The following USP15 variants were observed in gnomAD, a reference collection of about 807,000 sequenced individuals.
The protein encoded by USP15 is ubiquitin specific peptidase 15, also known as ubiquitin carboxyl-terminal hydrolase 15.
A neutral mutation model predicts 127.1 loss-of-function variants in USP15; 18 were observed. That is an observed-to-expected ratio of 0.14 (90% CI 0.10 to 0.21). The LOEUF is 0.21. Among genes scored for constraint, USP15 ranks in the 10% least tolerant of loss-of-function variants. USP15 has a pLI of 1.00. For synonymous variants in USP15, 364 were observed against 393.7 expected, an observed-to-expected ratio of 0.92 and a Z score of 0.89; for missense variants, 805 against 1,159.9, an observed-to-expected ratio of 0.69 and a Z score of 4.44.
At chr12:62,387,680 G>A (rs930420739) in intron 11 of USP15, among the ~76,000 whole-genome samples, 4 of 152,028 alleles carry the variant, frequency 2.6e-5, no homozygotes, top group Admixed American at 6.6e-5. Context: ...GGGTTGAGAA[G>A]TAAATGGGAG....
intron 3 of USP15, among the ~76,000 whole-genome samples, chr12:62,311,516 T>TG (rs2064677878): frequency 6.6e-6 from 1 of 151,810 alleles, no homozygotes; most frequent in South Asian, 2.1e-4. Flanking sequence ...CATAAATGAA[T>TG]GGGGGTTGTT....
At chr12:62,312,284 A>G (rs1412025885) in intron 3 of USP15, 1 of 344,846 alleles carries the variant, frequency 2.9e-6, no homozygotes, top group Non-Finnish European at 6.0e-6. Flanking sequence ...TTCCCATTTC[A>G]GGGAGGGAGC....
At chr12:62,401,578 T>C (rs1238620112) in intron 21 of USP15, among the ~76,000 whole-genome samples, 2 of 151,884 alleles carry the variant, frequency 1.3e-5, no homozygotes, top group African/African-American at 4.8e-5. Context: ...GCTCTTAACT[T>C]TCTAGACATT....
At position 62,391,802 on chromosome 12, in the gene USP15, G is replaced by A; in HGVS notation, c.2234-14G>A. The stretch of plus-strand genomic sequence containing the variant: ...ATATTAAATTTTAAAGAAAAAATAT[G>A]TTTTCCACCTTAGAAAGATCTTTTC... On this transcript the variant is annotated splice_polypyrimidine_tract_variant and intron_variant, in intron 16 of 21. Transcript: ENST00000280377. 1 of 1,583,258 alleles carries A rather than the reference G, an allele frequency of 6.3e-7. No individual in the cohort carries two copies. Among genetic ancestry groups the A allele is most frequent in the East Asian group, 2.3e-5 (1 of 43,680 alleles).
At chr12:62,285,378 A>G (rs1156536511) in intron 1 of USP15, among the ~76,000 whole-genome samples, 1 of 152,180 alleles carries the variant, frequency 6.6e-6, no homozygotes, top group African/African-American at 2.4e-5. Flanking sequence ...TTCCCCTAAG[A>G]TAATGGCCTC....
chr12:62,283,037 G>A, intron 1 of USP15, among the ~76,000 whole-genome samples: 1 of 152,090 alleles, frequency 6.6e-6, no homozygotes, highest in South Asian at 2.1e-4. Flanking sequence ...GGGAAATTTT[G>A]CATTTCCATT....
intron 4 of USP15, among the ~76,000 whole-genome samples, chr12:62,318,908 T>G (rs1327119101): frequency 6.6e-6 from 1 of 152,218 alleles, no homozygotes; most frequent in African/African-American, 2.4e-5. Flanking sequence ...TCAGAATTTA[T>G]TCTCAGTCAG....
At chr12:62,340,381 A>C (rs1014520186) in intron 6 of USP15, among the ~76,000 whole-genome samples, 1 of 151,010 alleles carries the variant, frequency 6.6e-6, no homozygotes, top group African/African-American at 2.4e-5. Context: ...TCCTGTCTCT[A>C]TCTCCTTCAG....
At chr12:62,325,009 T>G (rs2065087195) in intron 5 of USP15, among the ~76,000 whole-genome samples, 1 of 152,048 alleles carries the variant, frequency 6.6e-6, no homozygotes, top group Non-Finnish European at 1.5e-5. Flanking sequence ...TCATATTGTC[T>G]GTATTACAGT....
chr12:62,316,265 C>T (rs2064827275), intron 4 of USP15, among the ~76,000 whole-genome samples: 1 of 133,722 alleles, frequency 7.5e-6, no homozygotes, highest in Non-Finnish European at 1.6e-5. Context: ...AGCCTGGCAA[C>T]AGAGTGAGAC....
At chr12:62,333,161 T>C (rs1385173931) in intron 6 of USP15, among the ~76,000 whole-genome samples, 1 of 152,244 alleles carries the variant, frequency 6.6e-6, no homozygotes, top group Non-Finnish European at 1.5e-5. Context: ...CCATTCTTTA[T>C]TCCTTGTCAT....
At chr12:62,302,722 G>A (rs2064353587) in intron 2 of USP15, 68 bp from the exon 3 acceptor site, 2 of 1,490,244 alleles carry the variant, frequency 1.3e-6, no homozygotes, top group Non-Finnish European at 1.8e-6. Context: ...GCCTTCATGA[G>A]TTTAATTTGT....
chr12:62,403,902 C>G (rs531587361), intron 21 of USP15, among the ~76,000 whole-genome samples: 1 of 152,066 alleles, frequency 6.6e-6, no homozygotes, highest in South Asian at 2.1e-4. Flanking sequence ...TCTATTTTTA[C>G]GTTAGAATTG....
intron 8 of USP15, among the ~76,000 whole-genome samples, chr12:62,378,667 A>G (rs907740187): frequency 3.3e-5 from 5 of 152,182 alleles, no homozygotes; most frequent in African/African-American, 1.2e-4. Context: ...TTTACAAAGC[A>G]GATAGTAGAT....
At chr12:62,335,684 A>T in intron 6 of USP15, 1 of 986,012 alleles carries the variant, frequency 1.0e-6, no homozygotes, top group Non-Finnish European at 1.2e-6. Context: ...AAAACCATAT[A>T]CTTCCTCCAT....
chr12:62,377,350 T>C (rs1278898171), intron 8 of USP15, among the ~76,000 whole-genome samples: 1 of 152,230 alleles, frequency 6.6e-6, no homozygotes, highest in Non-Finnish European at 1.5e-5. Context: ...TGTTCTAAGA[T>C]AGCCTCATGT....
At chr12:62,392,676 G>C (rs530162870) in intron 18 of USP15, among the ~76,000 whole-genome samples, 1 of 152,038 alleles carries the variant, frequency 6.6e-6, no homozygotes, top group African/African-American at 2.4e-5. Context: ...CATTTTGAGA[G>C]AAGCTTTTTA....
At chr12:62,388,991 G>A (rs1220715912) in intron 11 of USP15, among the ~76,000 whole-genome samples, 6 of 152,140 alleles carry the variant, frequency 3.9e-5, no homozygotes, top group African/African-American at 1.4e-4. Flanking sequence ...CAGTCATGGT[G>A]TCACACGCAT....
chr12:62,268,518 T>C (rs537797424), intron 1 of USP15, among the ~76,000 whole-genome samples: 1 of 152,290 alleles, frequency 6.6e-6, no homozygotes, highest in East Asian at 1.9e-4. Context: ...AATTAACATA[T>C]CTCTGTTTTG....
Sources: gnomAD v4.1 joint callset for allele counts (sites outside exome capture counted in the v4.1 genomes callset) on GRCh38, gnomAD v4.1.1 for gene constraint, MANE v1.5 for transcripts, NCBI Gene and HGNC (gene_info 2026-07-23, HGNC 2026-07-21) for gene names.